Variants in WDR7 observed in about 807,000 individuals in gnomAD.
WDR7 encodes the protein WD repeat-containing protein 7.
Under a neutral mutation model 169.4 loss-of-function variants are expected in WDR7, and 46 were observed. That is an observed-to-expected ratio of 0.27 (90% CI 0.21 to 0.35). The LOEUF (loss-of-function observed/expected upper bound fraction) is 0.35. Among genes scored for constraint, WDR7 ranks in the 10% least tolerant of loss-of-function variants. The pLI, the probability that WDR7 is intolerant of heterozygous loss-of-function variation, is 1.00. For synonymous variants in WDR7, 612 were observed against 666.8 expected, an observed-to-expected ratio of 0.92 and a Z score of 1.27; for missense variants, 1,534 against 1,859.3, an observed-to-expected ratio of 0.83 and a Z score of 3.22.
At position 56,778,151 on chromosome 18, in the gene WDR7, A is replaced by G. The variant is rs1360612619; in HGVS notation, c.2947+1271A>G. Among the ~76,000 whole-genome samples the G allele has an allele frequency of 3.3e-5, 5 of 152,268 alleles. 1 individual carries two copies. The highest frequency in any genetic ancestry group is 3.3e-4 in the Admixed American group (5 of 15,290). ...CCATCACCTTAATTAATGTAATTAC[A>G]TGTTTATTATCAGTTGATGAGAATT... On this transcript the variant is annotated intron_variant, in intron 17 of 27. Transcript: ENST00000254442.
At chr18:56,652,654 A>G (rs915009751) in intron 1 of WDR7, among the ~76,000 whole-genome samples, 4 of 152,256 alleles carry the variant, frequency 2.6e-5, no homozygotes, top group African/African-American at 9.6e-5. Flanking sequence ...ACGAACCACT[A>G]TAAATATAAT....
intron 13 of WDR7, among the ~76,000 whole-genome samples, chr18:56,727,032 C>T (rs1307710159): frequency 6.6e-6 from 1 of 152,160 alleles, no homozygotes; most frequent in Non-Finnish European, 1.5e-5. Flanking sequence ...CAAACTCTAG[C>T]TGCCTGTACT....
intron 13 of WDR7, among the ~76,000 whole-genome samples, chr18:56,729,939 T>C (rs781109412): frequency 1.3e-5 from 2 of 152,248 alleles, no homozygotes; most frequent in Non-Finnish European, 2.9e-5. Context: ...TCTTTGATTA[T>C]TAGTGAGGTT....
intron 9 of WDR7, among the ~76,000 whole-genome samples, 196 bp from the exon 10 acceptor site, chr18:56,694,422 TA>T (rs2025651057): frequency 6.6e-6 from 1 of 152,238 alleles, no homozygotes. Context: ...TGTGTTATAC[TA>T]GATTAGAATA....
chr18:56,866,411 T>C (rs1204678642), intron 20 of WDR7, among the ~76,000 whole-genome samples: 1 of 151,062 alleles, frequency 6.6e-6, no homozygotes, highest in African/African-American at 2.4e-5. Context: ...ACAAATACAG[T>C]ATTAGGAGGT....
intron 2 of WDR7, among the ~76,000 whole-genome samples, chr18:56,676,486 A>G (rs2025246766): frequency 6.6e-6 from 1 of 152,112 alleles, no homozygotes; most frequent in East Asian, 1.9e-4. Flanking sequence ...CCTTTCAGTG[A>G]TGGTGATTTA....
chr18:56,798,314 T>A (rs2044618527), intron 19 of WDR7, among the ~76,000 whole-genome samples: 2 of 152,180 alleles, frequency 1.3e-5, no homozygotes, highest in Non-Finnish European at 2.9e-5. Context: ...TCAGTTCACT[T>A]GACTTGATGA....
intron 14 of WDR7, among the ~76,000 whole-genome samples, chr18:56,737,021 A>T (rs947449279): frequency 3.9e-5 from 6 of 152,196 alleles, no homozygotes; most frequent in African/African-American, 1.4e-4. Context: ...TTTCAGTGGA[A>T]GAGAATGAAA....
At chr18:56,867,487 C>T (rs1050991491) in intron 20 of WDR7, among the ~76,000 whole-genome samples, 25 of 152,076 alleles carry the variant, frequency 1.6e-4, no homozygotes, top group Admixed American at 7.9e-4. Context: ...ATTAGAAAGC[C>T]GTCTCTTCAC....
At chr18:56,851,239 T>C (rs2045636716) in intron 20 of WDR7, among the ~76,000 whole-genome samples, 1 of 152,064 alleles carries the variant, frequency 6.6e-6, no homozygotes, top group Non-Finnish European at 1.5e-5. Flanking sequence ...AGCCTCTGAC[T>C]TTCTCTGTGG....
chr18:56,874,968 G>A (rs892784694), intron 20 of WDR7, among the ~76,000 whole-genome samples: 4 of 152,036 alleles, frequency 2.6e-5, no homozygotes, highest in Admixed American at 2.6e-4. Flanking sequence ...TTCTCACTCA[G>A]TTCTTTTTAA....
intron 26 of WDR7, among the ~76,000 whole-genome samples, chr18:57,016,531 TG>T (rs1210049981): frequency 3.3e-5 from 5 of 152,210 alleles, no homozygotes; most frequent in African/African-American, 9.6e-5. Flanking sequence ...GTCCCAAACT[TG>T]TCATTTGGAA....
chr18:56,803,836 C>G (rs1284245361), intron 19 of WDR7, among the ~76,000 whole-genome samples: 1 of 152,146 alleles, frequency 6.6e-6, no homozygotes, highest in Non-Finnish European at 1.5e-5. Context: ...GGGTCTTGCT[C>G]CGTCGCCCAG....
chr18:56,656,583 A>G (rs376954635), intron 1 of WDR7, among the ~76,000 whole-genome samples: 1 of 146,138 alleles, frequency 6.8e-6, no homozygotes, highest in African/African-American at 2.5e-5. Flanking sequence ...CCCGGCCACT[A>G]TTTTTTTTTT....
chr18:56,722,162 C>CA (rs1254328774), intron 13 of WDR7, among the ~76,000 whole-genome samples: 1 of 152,110 alleles, frequency 6.6e-6, no homozygotes, highest in African/African-American at 2.4e-5. Flanking sequence ...ACATGGCTAA[C>CA]AAAAAGCATG....
intron 25 of WDR7, among the ~76,000 whole-genome samples, chr18:56,962,116 A>C (rs1246458045): frequency 6.6e-6 from 1 of 151,896 alleles, no homozygotes; most frequent in Non-Finnish European, 1.5e-5. Context: ...TTTCATATTT[A>C]ATTTTTTTTT....
chr18:56,877,042 A>G (rs1277300276), intron 20 of WDR7, among the ~76,000 whole-genome samples: 1 of 152,030 alleles, frequency 6.6e-6, no homozygotes, highest in Non-Finnish European at 1.5e-5. Context: ...AAAAACCAAA[A>G]CAAAAATAAT....
At chr18:56,678,158 T>G (rs1315306648) in intron 2 of WDR7, among the ~76,000 whole-genome samples, 2 of 152,330 alleles carry the variant, frequency 1.3e-5, no homozygotes, top group East Asian at 1.9e-4. Flanking sequence ...AACTCTGAAT[T>G]CTTTCTCTGT....
At chr18:56,718,665 C>T (rs978965613) in intron 13 of WDR7, among the ~76,000 whole-genome samples, 15 of 152,192 alleles carry the variant, frequency 9.9e-5, no homozygotes, top group Non-Finnish European at 1.9e-4. Context: ...AGCTTAAAAG[C>T]ACAGACAATG....
Sources: allele counts gnomAD v4.1 joint callset (sites outside exome capture counted in the v4.1 genomes callset), GRCh38; gene constraint gnomAD v4.1.1; transcripts MANE v1.5; gene names NCBI Gene and HGNC (gene_info 2026-07-23, HGNC 2026-07-21).